The following TMEM74 variants were observed in gnomAD, a reference collection of about 807,000 sequenced individuals.
The protein encoded by TMEM74 is transmembrane protein 74.
TMEM74 carries 13 observed loss-of-function variants against 18.1 expected under a neutral mutation model. The observed-to-expected ratio is 0.72, with a 90% CI of 0.47 to 1.14. The LOEUF is 1.14. TMEM74 is among the 50% of genes most tolerant of loss of function. The pLI is 0.00. For synonymous variants in TMEM74, 159 were observed against 146.6 expected (o/e 1.08, Z -0.61); for missense variants, 372 against 375.9 (o/e 0.99, Z 0.09).
chr8:108,666,559 G>T lies in TMEM74; in HGVS notation n.120-11122C>A, dbSNP rs116352084. ...GGATGTAACGGACTTTCTTTTGCTC[G>T]TGTAATCTACTACAAGACTCATGCT... On this transcript the variant is annotated intron_variant and non_coding_transcript_variant, in intron 1 of 3. Coordinates refer to the TMEM74 transcript ENST00000518838. Among the ~76,000 whole-genome samples, 949 of 152,198 alleles carry T rather than the reference G, an allele frequency of 6.2e-3. 12 individuals are homozygous for T. Among genetic ancestry groups the T allele is most frequent in the African/African-American group, 0.022 (917 of 41,524 alleles).
intron 2 of TMEM74, among the ~76,000 whole-genome samples, chr8:108,629,492 A>G (rs2130550821): frequency 6.6e-6 from 1 of 152,180 alleles, no homozygotes; most frequent in Middle Eastern, 3.4e-3. Flanking sequence ...AACACCACTA[A>G]GATACTCATA....
intron 2 of TMEM74, among the ~76,000 whole-genome samples, chr8:108,641,066 T>A (rs763655680): frequency 2.6e-5 from 4 of 152,164 alleles, no homozygotes; most frequent in Non-Finnish European, 5.9e-5. Context: ...GCCTGGTTAT[T>A]TGTGGGATCA....
intron 1 of TMEM74, among the ~76,000 whole-genome samples, chr8:108,694,922 A>G (rs143838856): frequency 4.1e-4 from 62 of 152,324 alleles, no homozygotes; most frequent in African/African-American, 1.4e-3. Context: ...GCCCTCAAAA[A>G]TGAACTAGAA....
intron 1 of TMEM74, among the ~76,000 whole-genome samples, chr8:108,688,716 T>C: frequency 6.6e-6 from 1 of 152,228 alleles, no homozygotes; most frequent in East Asian, 1.9e-4. Flanking sequence ...AAAGGAAACA[T>C]AATTTGCTTC....
chr8:108,668,586 C>A (rs1013483585), intron 1 of TMEM74, among the ~76,000 whole-genome samples: 1 of 152,098 alleles, frequency 6.6e-6, no homozygotes, highest in Non-Finnish European at 1.5e-5. Flanking sequence ...GATAAGGAAC[C>A]TGAAGCTGAG....
In TMEM74 at chr8:108,784,317, C is replaced by T. The variant is rs145039251; in HGVS notation, c.782G>A (p.Arg261His). Reference sequence around the variant, plus strand: ...TTTGGAAGAGGCAAATCTGTTTCGACGATAGAGCTCCCCCTTCCACATGGA... The same window carrying T: ...TTTGGAAGAGGCAAATCTGTTTCGATGATAGAGCTCCCCCTTCCACATGGA... ...MMSMWKGELY[R>H]RNRFASSKES... Residue 261 changes from arginine to histidine, a missense_variant, in exon 2 of 2, where the codon CGT becomes CAT. Coordinates refer to ENST00000297459, the MANE Select transcript of TMEM74 (RefSeq NM_153015.3). 6 of 1,613,968 alleles carry T rather than the reference C, an allele frequency of 3.7e-6. No homozygotes were observed. The highest frequency in any genetic ancestry group is 4.5e-5 in the East Asian group (2 of 44,868).
At chr8:108,626,866 A>G (rs1224416155) in intron 2 of TMEM74, 1 of 151,948 alleles carries the variant, frequency 6.6e-6, no homozygotes, top group East Asian at 1.9e-4. Flanking sequence ...GAAGATTCCC[A>G]AATCATTCTA....
At chr8:108,661,995 C>T (rs1324535376) in intron 1 of TMEM74, among the ~76,000 whole-genome samples, 1 of 152,028 alleles carries the variant, frequency 6.6e-6, no homozygotes, top group African/African-American at 2.4e-5. Context: ...TGATTTTCTA[C>T]GAAATGTGGA....
intron 1 of TMEM74, among the ~76,000 whole-genome samples, chr8:108,773,580 G>A (rs1485067296): frequency 1.3e-5 from 2 of 152,098 alleles, no homozygotes; most frequent in Admixed American, 1.3e-4. Flanking sequence ...TATAGGATGA[G>A]GTGGAAGTGA....
At chr8:108,769,484 C>G (rs1814147802) in intron 1 of TMEM74, among the ~76,000 whole-genome samples, 2 of 152,138 alleles carry the variant, frequency 1.3e-5, no homozygotes, top group African/African-American at 2.4e-5. Flanking sequence ...CTGCTGTCCT[C>G]TTTTCTCCCT....
At chr8:108,698,660 G>A (rs1197434782) in intron 1 of TMEM74, among the ~76,000 whole-genome samples, 2 of 152,168 alleles carry the variant, frequency 1.3e-5, no homozygotes, top group African/African-American at 4.8e-5. Context: ...ATCAGTGGAA[G>A]TCCTTCATGA....
chr8:108,777,469 T>A (rs1814246485), downstream of TMEM74, among the ~76,000 whole-genome samples: 2 of 152,196 alleles, frequency 1.3e-5, no homozygotes, highest in African/African-American at 4.8e-5. Flanking sequence ...TGTGAGTTGA[T>A]AGTTTTGACA....
At chr8:108,731,685 C>T (rs188759428) in intron 1 of TMEM74, among the ~76,000 whole-genome samples, 21 of 152,204 alleles carry the variant, frequency 1.4e-4, no homozygotes, top group Non-Finnish European at 2.8e-4. Context: ...GGTAGCTAGC[C>T]TTGTGTTCTG....
chr8:108,608,491 C>T (rs553237626), intron 3 of TMEM74, among the ~76,000 whole-genome samples: 2 of 152,070 alleles, frequency 1.3e-5, no homozygotes, highest in South Asian at 2.1e-4. Context: ...GGCAATAATA[C>T]CTGGCACATA....
chr8:108,742,706 C>A (rs1348837216), intron 1 of TMEM74, among the ~76,000 whole-genome samples: 1 of 152,186 alleles, frequency 6.6e-6, no homozygotes, highest in Non-Finnish European at 1.5e-5. Flanking sequence ...AAGTCCTGAG[C>A]TCTCTTGCTC....
chr8:108,727,043 C>T lies in TMEM74; in HGVS notation n.119+60433G>A, dbSNP rs192462494. 2.3e-3 allele frequency among the ~76,000 whole-genome samples: 345 copies of T among 152,052 alleles called. 1 individual carries two copies. The Middle Eastern group carries it at 0.027, about 12-fold the overall frequency. On this transcript the variant is annotated intron_variant and non_coding_transcript_variant, in intron 1 of 3. Transcript: ENST00000518838. ...TTTCAGGGGAAGAAAATAACCAATA[C>T]TAAGGCAAGAACAAGTCCAATGTTG... is the stretch of plus-strand genomic sequence containing the variant.
chr8:108,784,042 C>T lies in TMEM74; in HGVS notation c.*139G>A. 1 of 740,700 alleles carries T rather than the reference C, an allele frequency of 1.4e-6. No individual in the cohort carries two copies. The highest frequency in any genetic ancestry group is 2.2e-5 in the South Asian group (1 of 45,956). 45.9% of individuals were successfully genotyped at this position (740,700 alleles called of 1,614,324 possible). The stretch of plus-strand genomic sequence containing the variant: ...TTCTAAATAGAAGACACATAGAGAA[C>T]AAAAACACTTACTGGCTGTTGGTTT... On this transcript the variant is annotated 3_prime_UTR_variant, in exon 2 of 2. Transcript: ENST00000297459.
intron 1 of TMEM74, among the ~76,000 whole-genome samples, chr8:108,686,326 G>T (rs146142996): frequency 0.018 from 2,743 of 152,050 alleles, 98 homozygotes; most frequent in African/African-American, 0.063. Flanking sequence ...AGCCTCCCCA[G>T]TAGCTGGGAC....
In TMEM74 at chr8:108,607,321, A is replaced by C. The variant is rs183523802; in HGVS notation, n.784T>G. ...AACTAATCTGCAGAGGAAATTCAAC[A>C]GTTTCATTTGAAAGTGCATTGGCGT... On this transcript the variant is annotated non_coding_transcript_exon_variant, in exon 4 of 4. Transcript: ENST00000518838. 6.4e-3 allele frequency: 982 copies of C among 152,340 alleles called. 14 individuals carry two copies. The highest frequency in any genetic ancestry group is 0.023 in the African/African-American group (936 of 41,572). The allele number at this position is 152,340 out of a possible 1,614,324, so 9.4% of individuals were successfully genotyped here.
Sources: allele counts gnomAD v4.1 joint callset (sites outside exome capture counted in the v4.1 genomes callset), GRCh38; gene constraint gnomAD v4.1.1; transcripts MANE v1.5; gene names NCBI Gene and HGNC (gene_info 2026-07-23, HGNC 2026-07-21).